The following LRP1B variants were observed in gnomAD, a reference collection of about 807,000 sequenced individuals.
The protein encoded by LRP1B is LDL receptor related protein 1B.
In LRP1B, 217 loss-of-function variants were observed where a neutral mutation model predicts 556.6. That is an observed-to-expected ratio of 0.39 (90% CI 0.35 to 0.44). The LOEUF (loss-of-function observed/expected upper bound fraction) is 0.44, where lower values mean the gene tolerates loss of function less well. LRP1B is among the 20% of genes least tolerant of loss of function. LRP1B has a pLI of 1.00. For synonymous variants in LRP1B, 2,047 were observed against 1,865.8 expected (o/e 1.10, Z -2.50); for missense variants, 5,053 against 5,620.8 (o/e 0.90, Z 3.23).
intron 1 of LRP1B, among the ~76,000 whole-genome samples, chr2:141,883,402 T>C (rs1699016534): frequency 6.6e-6 from 1 of 152,118 alleles, no homozygotes; most frequent in Non-Finnish European, 1.5e-5. Flanking sequence ...TTTCACTAGT[T>C]TGGTAGAGTT....
At chr2:140,896,766 C>T (rs1340966886) in intron 23 of LRP1B, among the ~76,000 whole-genome samples, 1 of 151,966 alleles carries the variant, frequency 6.6e-6, no homozygotes, top group Non-Finnish European at 1.5e-5. Context: ...CAGGTGTGAG[C>T]CACCATGCCC....
intron 1 of LRP1B, among the ~76,000 whole-genome samples, chr2:142,090,065 C>T (rs939317859): frequency 1.3e-5 from 2 of 152,042 alleles, no homozygotes; most frequent in Non-Finnish European, 2.9e-5. Context: ...AAAATATGTA[C>T]ATTTTAACAA....
At chr2:141,487,594 A>G (rs1447806390) in intron 2 of LRP1B, among the ~76,000 whole-genome samples, 1 of 152,134 alleles carries the variant, frequency 6.6e-6, no homozygotes, top group African/African-American at 2.4e-5. Context: ...CATTAACATT[A>G]TTTACAATCA....
intron 84 of LRP1B, among the ~76,000 whole-genome samples, chr2:140,280,528 T>C (rs1156898795): frequency 1.3e-5 from 2 of 151,738 alleles, no homozygotes; most frequent in Non-Finnish European, 2.9e-5. Flanking sequence ...AATTGATTAT[T>C]TGCTGTGGAC....
rs374921742 is a variant in LRP1B, at chr2:140,851,713, C to G, written c.4650G>C (p.Arg1550Ser). ...AGTGGGGGCACGCACAGGCAGCACT[C>G]CTATTGTGATTGATTAGACACATGT... ...CSHMCLINHN[R>S]SAACACPHLM... is the part of the protein sequence containing the mutation. Residue 1550 changes from arginine to serine, a missense_variant, in exon 28 of 91, where the codon AGG becomes AGC. This residue lies in a region of LRP1B where 3,619 missense variants were observed against 3,931.9 expected (regional missense o/e 0.92). Transcript: ENST00000389484. 6.2e-7 allele frequency: 1 copy of G among 1,611,588 alleles called. No individual in the cohort carries two copies. The highest frequency in any genetic ancestry group is 2.2e-5 in the East Asian group (1 of 44,782).
intron 1 of LRP1B, among the ~76,000 whole-genome samples, chr2:141,953,818 T>C (rs1169181646): frequency 6.6e-6 from 1 of 152,142 alleles, no homozygotes; most frequent in Non-Finnish European, 1.5e-5. Context: ...CAAGATGCAA[T>C]TATTGGTTAC....
intron 1 of LRP1B, among the ~76,000 whole-genome samples, chr2:142,106,476 T>C (rs759123185): frequency 6.6e-6 from 1 of 152,192 alleles, no homozygotes; most frequent in African/African-American, 2.4e-5. Context: ...TGTTCAGAGT[T>C]TCTCCACTAG....
At position 141,785,320 on chromosome 2, in the gene LRP1B, A is replaced by G. The variant is rs13420575; in HGVS notation, c.205+24959T>C. ...TCAGCAAGAAATAACTAAGTTGCTC[A>G]GTCTCAGAGTTTATCTGTTGCAGCA... On this transcript the variant is annotated intron_variant, in intron 2 of 90. Coordinates refer to ENST00000389484, the MANE Select transcript of LRP1B (RefSeq NM_018557.3). 7.4e-3 allele frequency among the ~76,000 whole-genome samples: 1,124 copies of G among 152,100 alleles called. 18 individuals are homozygous for G. Among genetic ancestry groups the G allele is most frequent in the African/African-American group, 0.025 (1,039 of 41,524 alleles).
Position 140,352,946 on chromosome 2 carries a change from A to T in LRP1B, c.11650+7T>A, listed in dbSNP as rs1336077035. 1.2e-6 allele frequency: 2 copies of T among 1,609,466 alleles called. No individual in the cohort carries two copies. The highest frequency in any genetic ancestry group is 8.5e-7 in the Non-Finnish European group (1 of 1,178,364). On this transcript the variant is annotated splice_region_variant and intron_variant, in intron 76 of 90. Coordinates refer to ENST00000389484, the MANE Select transcript of LRP1B (RefSeq NM_018557.3). ...AATAGGATTTGCAATAGTGGTTATA[A>T]TCTTACCTTCTGCTATGCAGGTGTT...
At chr2:140,631,906 C>A (rs1292522491) in intron 41 of LRP1B, among the ~76,000 whole-genome samples, 1 of 151,976 alleles carries the variant, frequency 6.6e-6, no homozygotes, top group African/African-American at 2.4e-5. Flanking sequence ...CAGCCAGAGA[C>A]CAAAATAATT....
At chr2:140,743,457 AC>A (rs1393055744) in intron 35 of LRP1B, among the ~76,000 whole-genome samples, 2 of 152,132 alleles carry the variant, frequency 1.3e-5, no homozygotes, top group Non-Finnish European at 2.9e-5. Flanking sequence ...TCAAATCCAA[AC>A]CTGCCCTTTA....
intron 20 of LRP1B, among the ~76,000 whole-genome samples, chr2:140,929,756 TCACACACACACACACACA>T (rs3063648): frequency 1.2e-4 from 17 of 139,236 alleles, no homozygotes; most frequent in Non-Finnish European, 1.5e-4. Context: ...TCATATAGAC[TCACACACACACACACACA>T]CACACACACA....
intron 2 of LRP1B, among the ~76,000 whole-genome samples, chr2:141,695,510 G>A (rs1691706024): frequency 6.6e-6 from 1 of 151,914 alleles, no homozygotes; most frequent in Non-Finnish European, 1.5e-5. Flanking sequence ...TCCCCACTTT[G>A]AAGATGAGGA....
intron 3 of LRP1B, among the ~76,000 whole-genome samples, chr2:141,338,163 G>T (rs989615063): frequency 1.3e-5 from 2 of 152,134 alleles, no homozygotes; most frequent in African/African-American, 4.8e-5. Flanking sequence ...GGTTGATATT[G>T]TATTAGCTCG....
chr2:141,948,157 G>A (rs1002988118), intron 1 of LRP1B, among the ~76,000 whole-genome samples: 2 of 151,884 alleles, frequency 1.3e-5, no homozygotes, highest in African/African-American at 4.8e-5. Flanking sequence ...AAATTAGCTG[G>A]GTGTAGTGGC....
chr2:140,348,087 A>T (rs2105110209), intron 77 of LRP1B, among the ~76,000 whole-genome samples: 1 of 152,148 alleles, frequency 6.6e-6, no homozygotes, highest in Admixed American at 6.6e-5. Flanking sequence ...TTTGGAAATC[A>T]AATATATTTA....
intron 7 of LRP1B, among the ~76,000 whole-genome samples, chr2:141,099,926 T>C (rs1189285048): frequency 6.6e-6 from 1 of 152,210 alleles, no homozygotes; most frequent in Non-Finnish European, 1.5e-5. Flanking sequence ...ATTATCACAT[T>C]CTGAACCCTG....
At chr2:141,281,994 T>C (rs1341181157) in intron 3 of LRP1B, among the ~76,000 whole-genome samples, 2 of 152,144 alleles carry the variant, frequency 1.3e-5, no homozygotes, top group East Asian at 3.8e-4. Flanking sequence ...CTGATCTTGG[T>C]AAATAGTAGC....
intron 2 of LRP1B, among the ~76,000 whole-genome samples, chr2:141,634,092 A>C (rs355599): frequency 1 from 151,553 of 151,934 alleles, 75,587 homozygotes; most frequent in Middle Eastern, 1. Context: ...AGAAAACAAA[A>C]AAGCCCATTG....
Sources: gnomAD v4.1 joint callset for allele counts (sites outside exome capture counted in the v4.1 genomes callset) on GRCh38, gnomAD v4.1.1 for gene constraint, gnomAD v4.1.1 regional missense constraint, MANE v1.5 for transcripts, NCBI Gene and HGNC (gene_info 2026-07-23, HGNC 2026-07-21) for gene names.